Variants in RAD18 observed in about 807,000 individuals in gnomAD.
RAD18 encodes the protein E3 ubiquitin-protein ligase RAD18.
Under a neutral mutation model 60.4 loss-of-function variants are expected in RAD18, and 47 were observed. The observed-to-expected ratio is 0.78, with a 90% CI of 0.62 to 0.99. The LOEUF (loss-of-function observed/expected upper bound fraction) is 0.99. Among genes scored for constraint, RAD18 ranks in the 50% least tolerant of loss-of-function variants. RAD18 has a pLI of 0.00. For synonymous variants in RAD18, 225 were observed against 195.5 expected, an observed-to-expected ratio of 1.15 and a Z score of -1.26; for missense variants, 640 against 593.3, an observed-to-expected ratio of 1.08 and a Z score of -0.82.
In RAD18 at chr3:8,939,463, C is replaced by T. The variant is rs1575556889; in HGVS notation, c.704+91G>A. On this transcript the variant is annotated intron_variant, in intron 6 of 12. Transcript: ENST00000264926. The stretch of plus-strand genomic sequence containing the variant: ...CAAGTAAGAGCAGGAAATACGGTCA[C>T]CAGGATAAAAGGAATACTGTAATTT... 1.7e-5 allele frequency: 18 copies of T among 1,048,200 alleles called. No individual in the cohort carries two copies. The South Asian group carries it at 2.8e-4, about 16-fold the overall frequency. 64.9% of individuals were successfully genotyped at this position (1,048,200 alleles called of 1,614,324 possible). A position where few individuals can be genotyped will look rare whatever the true frequency, so the allele number is the denominator to read the frequency against.
chr3:8,953,603 T>A (rs35347337), intron 2 of RAD18, among the ~76,000 whole-genome samples: 1 of 152,170 alleles, frequency 6.6e-6, no homozygotes, highest in African/African-American at 2.4e-5. Context: ...AAATCACCTA[T>A]GAAATTTGTC....
At chr3:8,909,928 A>T (rs753438217) in intron 9 of RAD18, among the ~76,000 whole-genome samples, 2 of 152,244 alleles carry the variant, frequency 1.3e-5, no homozygotes, top group African/African-American at 4.8e-5. Flanking sequence ...AGTTTAGACA[A>T]GCTTGCATAC....
chr3:8,890,395 G>A lies in RAD18; in HGVS notation c.1379C>T (p.Ser460Leu). 1 of 1,585,798 alleles carries A rather than the reference G, an allele frequency of 6.3e-7. No homozygotes were observed. The highest frequency in any genetic ancestry group is 1.1e-5 in the South Asian group (1 of 90,458). The change falls in exon 12 of 13, where the codon TCA becomes TTA. Residue 460 changes from serine to leucine, a missense_variant. Physicochemically the swap from Ser to Leu is moderately radical, Grantham distance 145. Transcript: ENST00000264926. ...CATGATTATGAGAACTCACTTATGT[G>A]ATGCTTCCCAGGCTTCCTCTTCTTC... Reference protein sequence around the residue: ...LLEEEEAWEASHKNDLQDTEI... With the variant: ...LLEEEEAWEALHKNDLQDTEI...
At chr3:8,910,595 C>T (rs1237057186) in intron 9 of RAD18, among the ~76,000 whole-genome samples, 3 of 146,016 alleles carry the variant, frequency 2.1e-5, no homozygotes, top group Non-Finnish European at 4.5e-5. Flanking sequence ...AGCGAGCCTC[C>T]ATCTCAAAAA....
At chr3:8,881,923 G>A (rs1939469642) in intron 12 of RAD18, among the ~76,000 whole-genome samples, 2 of 152,306 alleles carry the variant, frequency 1.3e-5, no homozygotes, top group South Asian at 4.1e-4. Context: ...GTTGGAGAAC[G>A]AGGTGGCTGC....
At position 8,878,638 on chromosome 3, in the gene RAD18, A is replaced by G. The variant is rs549702729; in HGVS notation, c.*2719T>C. ...AGGCATACCTCCCTCTATTATATAC[A>G]TGGTCTTATGTGTATGAATTCTTTT... On this transcript the variant is annotated 3_prime_UTR_variant, in exon 13 of 13. Transcript: ENST00000264926. 15 of 152,280 alleles carry G rather than the reference A, an allele frequency of 9.9e-5. No individual in the cohort carries two copies. Among genetic ancestry groups the G allele is most frequent in the African/African-American group, 3.6e-4 (15 of 41,554 alleles). The allele number at this position is 152,280 out of a possible 1,614,324, so 9.4% of individuals were successfully genotyped here. A position where few individuals can be genotyped will look rare whatever the true frequency, so the allele number is the denominator to read the frequency against.
In RAD18 at chr3:8,948,498, C is replaced by T. The variant is rs754739345; in HGVS notation, c.195+11G>A. Reference sequence around the variant, plus strand: ...GTCAGTAAGTTTTAAAAAAAGGAAACAAAAACTCACCACACAGCAAGTTGG... The same window carrying T: ...GTCAGTAAGTTTTAAAAAAAGGAAATAAAAACTCACCACACAGCAAGTTGG... On this transcript the variant is annotated intron_variant, in intron 3 of 12. Transcript: ENST00000264926. 10 of 1,607,422 alleles carry T rather than the reference C, an allele frequency of 6.2e-6. No individual in the cohort carries two copies. Among genetic ancestry groups the T allele is most frequent in the Non-Finnish European group, 8.5e-6 (10 of 1,175,216 alleles).
chr3:8,893,142 G>A (rs972668925), intron 11 of RAD18, among the ~76,000 whole-genome samples: 1 of 152,138 alleles, frequency 6.6e-6, no homozygotes, highest in African/African-American at 2.4e-5. Context: ...ATTACTATGT[G>A]CTCTATTTTA....
intron 1 of RAD18, among the ~76,000 whole-genome samples, chr3:8,962,794 A>T (rs926741252): frequency 6.6e-6 from 1 of 152,248 alleles, no homozygotes; most frequent in Non-Finnish European, 1.5e-5. Context: ...TTTAAGAGAC[A>T]TGAGCAATTG....
Position 8,884,118 on chromosome 3 carries a change from GACTGTCAGCC to G in RAD18, c.1386-2669_1386-2660del, listed in dbSNP as rs539852691. Among the ~76,000 whole-genome samples, 86 of 152,310 alleles carry G rather than the reference GACTGTCAGCC, an allele frequency of 5.6e-4. No individual in the cohort carries two copies. In the South Asian group the frequency reaches 6.2e-3, roughly 11 times the overall value. On this transcript the variant is annotated intron_variant, in intron 12 of 12. Transcript: ENST00000264926. Reference sequence around the variant, plus strand: ...CCAACCCCGCTCTGCCTTCTCTGGGGACTGTCAGCCTGCTGGTCCTCACCATGACTGCAGA... The same window carrying G: ...CCAACCCCGCTCTGCCTTCTCTGGGGTGCTGGTCCTCACCATGACTGCAGA...
intron 12 of RAD18, among the ~76,000 whole-genome samples, chr3:8,885,625 T>C (rs971672451): frequency 1.3e-5 from 2 of 152,162 alleles, no homozygotes; most frequent in Non-Finnish European, 2.9e-5. Flanking sequence ...GTGTTAACTC[T>C]GGCAGAGCCC....
chr3:8,948,679 T>TATCA, intron 2 of RAD18, 109 bp from the exon 3 acceptor site: 1 of 873,158 alleles, frequency 1.1e-6, no homozygotes, highest in Non-Finnish European at 1.8e-6. Flanking sequence ...ATCTAAGGTA[T>TATCA]ATCATCATAA....
At chr3:8,936,394 TA>T (rs561601111) in intron 6 of RAD18, among the ~76,000 whole-genome samples, 107 of 152,346 alleles carry the variant, frequency 7.0e-4, no homozygotes, top group African/African-American at 2.3e-3. Flanking sequence ...GAATCACACT[TA>T]CATAGACCTA....
intron 6 of RAD18, 87 bp from the exon 7 acceptor site, chr3:8,936,142 C>G: frequency 1.6e-6 from 2 of 1,266,840 alleles, no homozygotes; most frequent in Non-Finnish European, 2.1e-6. Flanking sequence ...GATTCAACAC[C>G]TGGGTGACCG....
intron 10 of RAD18, among the ~76,000 whole-genome samples, chr3:8,900,044 A>C (rs1380917303): frequency 6.6e-6 from 1 of 152,172 alleles, no homozygotes; most frequent in Non-Finnish European, 1.5e-5. Context: ...TTCTTCAAAA[A>C]ACCTTGCCAA....
At chr3:8,921,559 G>A (rs1162139779) in intron 7 of RAD18, among the ~76,000 whole-genome samples, 1 of 152,060 alleles carries the variant, frequency 6.6e-6, no homozygotes, top group Non-Finnish European at 1.5e-5. Flanking sequence ...GAAACAGGAG[G>A]ATTCCTGGAG....
intron 7 of RAD18, among the ~76,000 whole-genome samples, chr3:8,918,120 C>T (rs754803470): frequency 6.6e-6 from 1 of 151,972 alleles, no homozygotes; most frequent in Non-Finnish European, 1.5e-5. Flanking sequence ...GAGTTCGAGA[C>T]CAGCCTGACC....
At chr3:8,904,371 C>T (rs1441423631) in intron 9 of RAD18, among the ~76,000 whole-genome samples, 1 of 152,146 alleles carries the variant, frequency 6.6e-6, no homozygotes, top group Non-Finnish European at 1.5e-5. Context: ...GATTCCTATA[C>T]ATGAATATTG....
At chr3:8,883,466 T>C (rs554018292) in intron 12 of RAD18, among the ~76,000 whole-genome samples, 10 of 152,294 alleles carry the variant, frequency 6.6e-5, no homozygotes, top group African/African-American at 1.9e-4. Flanking sequence ...AGCTTTGTAG[T>C]CCACTAATGA....
Sources: allele counts gnomAD v4.1 joint callset (sites outside exome capture counted in the v4.1 genomes callset), GRCh38; gene constraint gnomAD v4.1.1; transcripts MANE v1.5; gene names NCBI Gene and HGNC (gene_info 2026-07-23, HGNC 2026-07-21).